CCDC91: variants seen among roughly 807,000 people sequenced by gnomAD.
CCDC91 encodes the protein coiled-coil domain-containing protein 91.
In CCDC91, 48 loss-of-function variants were observed where a neutral mutation model predicts 63.2. The observed-to-expected ratio is 0.76, with a 90% CI of 0.60 to 0.97. CCDC91 has a LOEUF of 0.97. Ranked by LOEUF, CCDC91 falls within the 50% of genes least tolerant of loss-of-function variation. The pLI, the probability that CCDC91 is intolerant of heterozygous loss-of-function variation, is 0.00. For missense variants in CCDC91, 500 were observed against 494.6 expected, an observed-to-expected ratio of 1.01 and a Z score of -0.10; for synonymous variants, 167 against 165.8, an observed-to-expected ratio of 1.01 and a Z score of -0.06.
At chr12:28,355,264 A>G (rs1943447050) in intron 6 of CCDC91, among the ~76,000 whole-genome samples, 1 of 152,094 alleles carries the variant, frequency 6.6e-6, no homozygotes, top group Non-Finnish European at 1.5e-5. Flanking sequence ...TTTCTTTCCT[A>G]TTGGAGCACT....
At chr12:28,324,936 A>G (rs1322095273) in intron 6 of CCDC91, among the ~76,000 whole-genome samples, 1 of 151,940 alleles carries the variant, frequency 6.6e-6, no homozygotes, top group African/African-American at 2.4e-5. Context: ...TATTAAATGT[A>G]TAACACATAA....
At chr12:28,252,415 G>A (rs1273206496) in intron 1 of CCDC91, among the ~76,000 whole-genome samples, 1 of 151,560 alleles carries the variant, frequency 6.6e-6, no homozygotes, top group African/African-American at 2.4e-5. Context: ...TAGATATTAC[G>A]TATCCTAGGC....
intron 6 of CCDC91, among the ~76,000 whole-genome samples, chr12:28,311,844 T>A (rs1252130743): frequency 6.6e-6 from 1 of 151,954 alleles, no homozygotes; most frequent in East Asian, 1.9e-4. Context: ...GGGGCTTTTG[T>A]GCCTGTTGGT....
chr12:28,502,157 G>C (rs922036828), intron 12 of CCDC91, among the ~76,000 whole-genome samples: 1 of 151,518 alleles, frequency 6.6e-6, no homozygotes, highest in Admixed American at 6.6e-5. Flanking sequence ...CAAAAAACCA[G>C]CTCATGATTG....
intron 12 of CCDC91, among the ~76,000 whole-genome samples, chr12:28,541,717 T>C (rs1373520068): frequency 2.0e-5 from 3 of 152,034 alleles, no homozygotes; most frequent in East Asian, 1.9e-4. Flanking sequence ...AAAAAAGATA[T>C]AGGAAAAGGT....
chr12:28,398,500 T>C (rs1251446423), intron 8 of CCDC91, among the ~76,000 whole-genome samples: 1 of 152,202 alleles, frequency 6.6e-6, no homozygotes, highest in Non-Finnish European at 1.5e-5. Flanking sequence ...TGTGGGGATA[T>C]ATATGTTTTT....
chr12:28,494,389 TGTCTCTTTCTTA>T (rs1952173012), intron 12 of CCDC91, among the ~76,000 whole-genome samples: 2 of 151,780 alleles, frequency 1.3e-5, no homozygotes, highest in Admixed American at 1.3e-4. Context: ...CCTAGCAATG[TGTCTCTTTCTTA>T]GTAGCAGGAG....
intron 6 of CCDC91, among the ~76,000 whole-genome samples, chr12:28,342,620 A>G (rs1170653119): frequency 6.6e-6 from 1 of 152,144 alleles, no homozygotes; most frequent in Non-Finnish European, 1.5e-5. Flanking sequence ...ATTGATGACC[A>G]AGTGAAAGAG....
intron 1 of CCDC91, among the ~76,000 whole-genome samples, chr12:28,221,619 C>G (rs1362180448): frequency 1.3e-5 from 2 of 152,162 alleles, no homozygotes; most frequent in Admixed American, 6.5e-5. Context: ...TTGTTTAGGT[C>G]TAATACAGCC....
At chr12:28,478,852 G>T (rs747969253) in intron 11 of CCDC91, among the ~76,000 whole-genome samples, 2 of 151,994 alleles carry the variant, frequency 1.3e-5, no homozygotes, top group East Asian at 3.9e-4. Flanking sequence ...GCCAACAGAC[G>T]CATGAAAAAA....
chr12:28,355,828 A>G (rs1345782279), intron 6 of CCDC91, among the ~76,000 whole-genome samples: 4 of 152,142 alleles, frequency 2.6e-5, no homozygotes, highest in Non-Finnish European at 4.4e-5. Context: ...CATGAAATTC[A>G]TGCCATGTGT....
intron 3 of CCDC91, among the ~76,000 whole-genome samples, chr12:28,291,874 C>T (rs1001493554): frequency 2.6e-5 from 4 of 152,102 alleles, no homozygotes; most frequent in Admixed American, 2.6e-4. Flanking sequence ...GTTGATCAGC[C>T]TTGATGATTG....
chr12:28,520,165 G>A (rs1425812999), intron 12 of CCDC91, among the ~76,000 whole-genome samples: 1 of 152,300 alleles, frequency 6.6e-6, no homozygotes, highest in East Asian at 1.9e-4. Context: ...CACTATGGTT[G>A]AACTAGTTTA....
intron 3 of CCDC91, among the ~76,000 whole-genome samples, chr12:28,269,617 T>A (rs1156806341): frequency 6.6e-6 from 1 of 152,196 alleles, no homozygotes; most frequent in African/African-American, 2.4e-5. Flanking sequence ...CAGTGAATGA[T>A]CAGTAAATGT....
intron 1 of CCDC91, among the ~76,000 whole-genome samples, chr12:28,204,961 C>T (rs879352602): frequency 2.2e-4 from 34 of 152,094 alleles, no homozygotes; most frequent in African/African-American, 5.8e-4. Context: ...AGATTTATTA[C>T]GTATTTACTC....
intron 8 of CCDC91, among the ~76,000 whole-genome samples, chr12:28,437,608 A>G (rs1948978052): frequency 6.6e-6 from 1 of 152,116 alleles, no homozygotes; most frequent in African/African-American, 2.4e-5. Flanking sequence ...GAATTCATTT[A>G]GACCATCCTG....
intron 12 of CCDC91, among the ~76,000 whole-genome samples, chr12:28,491,962 GGTGTGT>G (rs56946212): frequency 6.8e-6 from 1 of 146,872 alleles, no homozygotes; most frequent in African/African-American, 2.5e-5. Context: ...AAGGTGTTGG[GGTGTGT>G]GTGTGTGTGT....
chr12:28,399,518 A>G (rs1042669274), intron 8 of CCDC91, among the ~76,000 whole-genome samples: 6 of 152,224 alleles, frequency 3.9e-5, no homozygotes, highest in African/African-American at 1.4e-4. Flanking sequence ...ATGCCCTTCT[A>G]ACAGTCCTGC....
chr12:28,457,965 C>T (rs368889479), intron 11 of CCDC91, among the ~76,000 whole-genome samples: 1 of 151,976 alleles, frequency 6.6e-6, no homozygotes, highest in African/African-American at 2.4e-5. Context: ...CTATGTCTGA[C>T]GTTGGAAGCT....
Sources: allele counts gnomAD v4.1 joint callset (sites outside exome capture counted in the v4.1 genomes callset), GRCh38; gene constraint gnomAD v4.1.1; transcripts MANE v1.5; gene names NCBI Gene and HGNC (gene_info 2026-07-23, HGNC 2026-07-21).